The following ZFHX3 variants were observed in gnomAD, a reference collection of about 807,000 sequenced individuals.
ZFHX3 encodes zinc finger homeobox protein 3.
ZFHX3 carries 42 observed loss-of-function variants against 279.1 expected under a neutral mutation model. That is an observed-to-expected ratio of 0.15 (90% CI 0.12 to 0.19). The LOEUF is 0.19. Among genes scored for constraint, ZFHX3 ranks in the 10% least tolerant of loss-of-function variants. The probability of loss-of-function intolerance (pLI) is 1.00; values close to 1 mark genes in which losing one functional copy is unlikely to be tolerated. For synonymous variants in ZFHX3, 2,293 were observed against 1,957.8 expected, an observed-to-expected ratio of 1.17 and a Z score of -4.52; for missense variants, 4,981 against 4,754.0, an observed-to-expected ratio of 1.05 and a Z score of -1.40.
exon 1 of ZFHX3, chr16:73,059,425 A>G: frequency 6.6e-6 from 1 of 151,270 alleles, no homozygotes; most frequent in Non-Finnish European, 1.5e-5. Flanking sequence ...AGTGGAATGC[A>G]TAGGAGCAAC....
intron 2 of ZFHX3, among the ~76,000 whole-genome samples, chr16:73,619,930 G>C (rs1409093553): frequency 2.6e-5 from 4 of 152,012 alleles, no homozygotes; most frequent in Non-Finnish European, 4.4e-5. Flanking sequence ...TATTTTTTCT[G>C]TACCTCCAAA....
chr16:72,883,971 T>G (rs1403843997), intron 4 of ZFHX3, among the ~76,000 whole-genome samples: 1 of 152,124 alleles, frequency 6.6e-6, no homozygotes, highest in African/African-American at 2.4e-5. Flanking sequence ...CACAACATAT[T>G]TTAGTGCTAT....
At chr16:73,668,927 A>G (rs1243432401) in intron 2 of ZFHX3, among the ~76,000 whole-genome samples, 1 of 152,224 alleles carries the variant, frequency 6.6e-6, no homozygotes, top group Non-Finnish European at 1.5e-5. Context: ...GATATGGAGA[A>G]ATAGGAATAC....
chr16:73,581,330 T>C (rs983211602), intron 2 of ZFHX3, among the ~76,000 whole-genome samples: 1 of 151,884 alleles, frequency 6.6e-6, no homozygotes, highest in Non-Finnish European at 1.5e-5. Context: ...CAAAGTCCTA[T>C]CTACATTAAA....
At chr16:73,568,548 A>T (rs894481762) in intron 2 of ZFHX3, among the ~76,000 whole-genome samples, 1 of 152,182 alleles carries the variant, frequency 6.6e-6, no homozygotes, top group Non-Finnish European at 1.5e-5. Context: ...TGATGAAATC[A>T]ACCCGTGTGG....
At chr16:73,353,130 G>A (rs963298272) in intron 3 of ZFHX3, among the ~76,000 whole-genome samples, 1 of 152,214 alleles carries the variant, frequency 6.6e-6, no homozygotes, top group South Asian at 2.1e-4. Flanking sequence ...AAGTTCTCAA[G>A]AAACACTGTG....
chr16:73,327,783 C>T (rs1457662776), intron 3 of ZFHX3, among the ~76,000 whole-genome samples: 14 of 152,168 alleles, frequency 9.2e-5, no homozygotes, highest in Admixed American at 8.5e-4. Flanking sequence ...TCACATTCAC[C>T]CATGTGTGGT....
intron 2 of ZFHX3, chr16:73,504,761 C>G (rs2019295336): frequency 2.0e-5 from 3 of 152,172 alleles, no homozygotes; most frequent in Admixed American, 2.0e-4. Flanking sequence ...CTATCAGGAT[C>G]TTCCCACGTT....
intron 2 of ZFHX3, chr16:73,483,183 C>T (rs2018901779): frequency 3.0e-6 from 1 of 335,210 alleles, no homozygotes; most frequent in South Asian, 2.2e-5. Flanking sequence ...CCGAGGGTGA[C>T]CCCGGAGGAA....
chr16:73,880,268 G>C (rs191409878), intron 1 of ZFHX3, among the ~76,000 whole-genome samples: 1 of 152,114 alleles, frequency 6.6e-6, no homozygotes, highest in Non-Finnish European at 1.5e-5. Context: ...GTTTAGATGG[G>C]GGATGGGAGA....
rs181651560 is a variant in ZFHX3, at chr16:73,820,369, G to A, written c.-1608+71282C>T. On this transcript the variant is annotated intron_variant, in intron 1 of 17. Coordinates refer to the ZFHX3 transcript ENST00000641206. ...ATTACAGATGTGAGCCACCACACCCGGCCTGGGAGTAACTCTTAACTGGCT... is the reference window on the plus strand; with the variant it reads ...ATTACAGATGTGAGCCACCACACCCAGCCTGGGAGTAACTCTTAACTGGCT... Among the ~76,000 whole-genome samples, 27 of 152,244 alleles carry A rather than the reference G, an allele frequency of 1.8e-4. 1 individual carries two copies. The highest frequency in any genetic ancestry group is 1.4e-3 in the East Asian group (7 of 5,180).
chr16:73,733,008 C>G lies in ZFHX3; in HGVS notation c.-1607-52768G>C, dbSNP rs80280065. Among the ~76,000 whole-genome samples the G allele has an allele frequency of 7.3e-3, 1,106 of 152,216 alleles. 15 individuals carry two copies. The highest frequency in any genetic ancestry group is 0.026 in the African/African-American group (1,061 of 41,530). ...TTTAGTGTATGGTGAAGATCTACAG[C>G]AGTTTATTTATTTTAATGTTAGGTG... On this transcript the variant is annotated intron_variant, in intron 1 of 17. Coordinates refer to the ZFHX3 transcript ENST00000641206.
chr16:72,797,675 G>C lies in ZFHX3; in HGVS notation c.5007C>G (p.Ser1669Arg), dbSNP rs376262884. The stretch of plus-strand genomic sequence containing the variant: ...TAGAGCTTGGAGCAATGCCAGCACT[G>C]CTTGGATTGGAGGTGGTAAAGGTGT... Reference protein sequence around the residue: ...GSNTFTTSNPSSAGIAPSSNL... With the variant: ...GSNTFTTSNPRSAGIAPSSNL... The change falls in exon 9 of 10, where the codon AGC becomes AGG. Residue 1669 changes from serine (S) to arginine (R), a missense_variant. Physicochemically the swap from Ser to Arg is moderately radical, Grantham distance 110 (BLOSUM62 -1). Transcript: ENST00000268489. The C allele has an allele frequency of 1.9e-6, 3 of 1,614,070 alleles. No homozygotes were observed. The African/African-American group carries it at 4.0e-5, about 22-fold the overall frequency.
chr16:73,699,635 G>A (rs1441823656), intron 1 of ZFHX3, among the ~76,000 whole-genome samples: 2 of 152,190 alleles, frequency 1.3e-5, no homozygotes, highest in Non-Finnish European at 2.9e-5. Flanking sequence ...CATTGTAAGT[G>A]TATTAATTCA....
Position 73,882,861 on chromosome 16 carries a change from G to A in ZFHX3, c.-1608+8790C>T, listed in dbSNP as rs2030216472. Among the ~76,000 whole-genome samples, 3 of 152,002 alleles carry A rather than the reference G, an allele frequency of 2.0e-5. No homozygotes were observed. In the South Asian group the frequency reaches 6.2e-4, roughly 31 times the overall value. ...GACTTAAATAATGTAAAGTTAATGG[G>A]AATCATGAAGCCAAAACAGGCAACT... On this transcript the variant is annotated intron_variant, in intron 1 of 17. Coordinates refer to the ZFHX3 transcript ENST00000641206.
At chr16:73,814,883 T>TTAAAAG (rs1960524899) in intron 1 of ZFHX3, among the ~76,000 whole-genome samples, 1 of 152,110 alleles carries the variant, frequency 6.6e-6, no homozygotes, top group Non-Finnish European at 1.5e-5. Flanking sequence ...TCACAACTTC[T>TTAAAAG]TAAAAGTAAA....
At chr16:72,930,598 C>G (rs1959734120) in intron 3 of ZFHX3, among the ~76,000 whole-genome samples, 1 of 152,052 alleles carries the variant, frequency 6.6e-6, no homozygotes. Context: ...ATGGAGCAGA[C>G]AATAGCAATT....
chr16:73,130,750 G>A (rs1228517775), intron 7 of ZFHX3, among the ~76,000 whole-genome samples: 2 of 152,130 alleles, frequency 1.3e-5, no homozygotes, highest in Non-Finnish European at 2.9e-5. Flanking sequence ...TGGGATTACA[G>A]GCACCTGCCA....
chr16:73,213,112 A>G (rs565623398), intron 5 of ZFHX3, among the ~76,000 whole-genome samples: 103 of 152,276 alleles, frequency 6.8e-4, no homozygotes, highest in African/African-American at 2.4e-3. Flanking sequence ...GGCGTAGGAC[A>G]TAGCTTCCCA....
Sources: allele counts gnomAD v4.1 joint callset (sites outside exome capture counted in the v4.1 genomes callset), GRCh38; gene constraint gnomAD v4.1.1; transcripts MANE v1.5; gene names NCBI Gene and HGNC (gene_info 2026-07-23, HGNC 2026-07-21).